KCNK12: variants seen among roughly 807,000 people sequenced by gnomAD.
The protein encoded by KCNK12 is potassium channel subfamily K member 12.
Under a neutral mutation model 25.3 loss-of-function variants are expected in KCNK12, and 6 were observed. That is an observed-to-expected ratio of 0.24 (90% CI 0.13 to 0.47). The LOEUF (loss-of-function observed/expected upper bound fraction) is 0.47, where lower values mean the gene tolerates loss of function less well. Among genes scored for constraint, KCNK12 ranks in the 20% least tolerant of loss-of-function variants. KCNK12 has a pLI of 0.99. For synonymous variants in KCNK12, 331 were observed against 311.1 expected, an observed-to-expected ratio of 1.06 and a Z score of -0.67; for missense variants, 444 against 661.7, an observed-to-expected ratio of 0.67 and a Z score of 3.61.
At chr2:47,561,265 A>C (rs1669663895) in intron 1 of KCNK12, among the ~76,000 whole-genome samples, 1 of 152,326 alleles carries the variant, frequency 6.6e-6, no homozygotes, top group East Asian at 1.9e-4. Flanking sequence ...ACTGGATGTC[A>C]CTGGTCTAAC....
intron 1 of KCNK12, among the ~76,000 whole-genome samples, chr2:47,546,869 A>G (rs1160508702): frequency 6.6e-6 from 1 of 152,074 alleles, no homozygotes; most frequent in Non-Finnish European, 1.5e-5. Flanking sequence ...AGAGAGCTGT[A>G]ACTGATGAAG....
At chr2:47,564,928 A>G (rs1451601124) in intron 1 of KCNK12, 1 of 152,124 alleles carries the variant, frequency 6.6e-6, no homozygotes, top group Non-Finnish European at 1.5e-5. Context: ...AGCACGCTGA[A>G]AGGCTGGGGT....
rs907887984 is a variant in KCNK12, at chr2:47,528,742, T to C, written c.392-6934A>G. Among the ~76,000 whole-genome samples the C allele has an allele frequency of 1.3e-5, 2 of 152,232 alleles. No individual in the cohort carries two copies. The highest frequency in any genetic ancestry group is 4.8e-5 in the African/African-American group (2 of 41,458). ...TATTATGCCACTTTGACAAAAGCTG[T>C]GAAGCTCGTTCCCACAGCCTGTCTG... On this transcript the variant is annotated intron_variant, in intron 1 of 1. Coordinates refer to ENST00000327876, the MANE Select transcript of KCNK12 (RefSeq NM_022055.2). This position sits in a 1 kb window ranked among gnomAD's most constrained non-coding sequence, Gnocchi z 4.5.
intron 1 of KCNK12, among the ~76,000 whole-genome samples, chr2:47,542,761 T>C (rs983769884): frequency 2.0e-5 from 3 of 152,164 alleles, no homozygotes; most frequent in Non-Finnish European, 2.9e-5. Context: ...GCTTCTGCCT[T>C]TGAACGTGTG....
intron 1 of KCNK12, among the ~76,000 whole-genome samples, chr2:47,531,469 T>C (rs1668927470): frequency 6.6e-6 from 1 of 150,898 alleles, no homozygotes; most frequent in Middle Eastern, 3.2e-3. Flanking sequence ...CAAGACCCTG[T>C]TTAAAAAAAA....
chr2:47,524,034 C>A (rs1668717159), intron 1 of KCNK12, among the ~76,000 whole-genome samples: 1 of 152,156 alleles, frequency 6.6e-6, no homozygotes, highest in African/African-American at 2.4e-5. Context: ...TGCCCAGTTG[C>A]CCGAGTGTGG....
At chr2:47,567,491 A>C (rs957479257) in intron 1 of KCNK12, among the ~76,000 whole-genome samples, 12 of 152,212 alleles carry the variant, frequency 7.9e-5, no homozygotes, top group Non-Finnish European at 5.9e-5. Flanking sequence ...ATCCAAATGC[A>C]TTTTGCAAAG....
chr2:47,527,277 T>G (rs962801146), intron 1 of KCNK12, among the ~76,000 whole-genome samples: 2 of 152,226 alleles, frequency 1.3e-5, no homozygotes, highest in African/African-American at 4.8e-5. Flanking sequence ...CTCTGTCCTC[T>G]CTGGCCTCCT....
chr2:47,510,426 G>A lies in KCNK12; in HGVS notation c.*10481C>T, dbSNP rs927096894. The A allele has an allele frequency of 1.3e-5, 2 of 152,190 alleles. No individual in the cohort carries two copies. The highest frequency in any genetic ancestry group is 4.8e-5 in the African/African-American group (2 of 41,442). 9.4% of individuals were successfully genotyped at this position (152,190 alleles called of 1,614,324 possible). ...TCATAACTGATACAGGAGGGACCCT[G>A]TGATTGGCAGTTCCACTAGACTGCA... On this transcript the variant is annotated 3_prime_UTR_variant, in exon 2 of 2. Transcript: ENST00000327876.
intron 1 of KCNK12, among the ~76,000 whole-genome samples, chr2:47,530,261 C>T (rs1668888923): frequency 6.6e-6 from 1 of 152,200 alleles, no homozygotes; most frequent in Admixed American, 6.5e-5. Context: ...GGAACTGCGA[C>T]ATCGCCTCTC....
At position 47,524,149 on chromosome 2, in the gene KCNK12, C is replaced by A. The variant is rs1015617866; in HGVS notation, c.392-2341G>T. On this transcript the variant is annotated intron_variant, in intron 1 of 1. Transcript: ENST00000327876. Reference sequence around the variant, plus strand: ...CTAGATTTACAGAAAGTGAAAAAAACCAAAATAGCTGTGTAACCAAGAACT... The same window carrying A: ...CTAGATTTACAGAAAGTGAAAAAAAACAAAATAGCTGTGTAACCAAGAACT... Among the ~76,000 whole-genome samples, 6 of 152,198 alleles carry A rather than the reference C, an allele frequency of 3.9e-5. No homozygotes were observed. In the East Asian group the frequency reaches 5.8e-4, roughly 15 times the overall value.
Position 47,542,215 on chromosome 2 carries a change from C to A in KCNK12, c.392-20407G>T, listed in dbSNP as rs528912306. 4.6e-5 allele frequency among the ~76,000 whole-genome samples: 7 copies of A among 152,308 alleles called. No individual in the cohort carries two copies. The South Asian group carries it at 1.4e-3, about 32-fold the overall frequency. On this transcript the variant is annotated intron_variant, in intron 1 of 1. Coordinates refer to ENST00000327876, the MANE Select transcript of KCNK12 (RefSeq NM_022055.2). ...ACTTCTGTCGAGGCTCTCTCTGACG[C>A]AGCTCTCCTCACTCCACACCAGGCT...
rs978289570 is a variant in KCNK12 at position 47,512,707 on chromosome 2, T to A, written c.*8200A>T. ...TCTGCATTGCTGAGCAAACTACATTTCCCAGAACTCCTTGTTGGATTCCTT... is the reference window on the plus strand; with the variant it reads ...TCTGCATTGCTGAGCAAACTACATTACCCAGAACTCCTTGTTGGATTCCTT... On this transcript the variant is annotated 3_prime_UTR_variant, in exon 2 of 2. Coordinates refer to ENST00000327876, the MANE Select transcript of KCNK12 (RefSeq NM_022055.2). 1.2e-5 allele frequency: 4 copies of A among 326,340 alleles called. No individual in the cohort carries two copies. The highest frequency in any genetic ancestry group is 2.2e-5 in the Non-Finnish European group (4 of 178,264). The allele number at this position is 326,340 out of a possible 1,614,324, so 20.2% of individuals were successfully genotyped here. A position where few individuals can be genotyped will look rare whatever the true frequency, so the allele number is the denominator to read the frequency against.
At chr2:47,535,986 T>C (rs1669059638) in intron 1 of KCNK12, among the ~76,000 whole-genome samples, 1 of 152,144 alleles carries the variant, frequency 6.6e-6, no homozygotes, top group African/African-American at 2.4e-5. Context: ...CAATTTCAAA[T>C]CTACCTTCCT....
intron 1 of KCNK12, among the ~76,000 whole-genome samples, chr2:47,542,164 G>A (rs1669215346): frequency 6.6e-6 from 1 of 152,210 alleles, no homozygotes; most frequent in South Asian, 2.1e-4. Context: ...CAGGCCTGCT[G>A]GGCTCCTCCA....
In KCNK12 at chr2:47,509,785, G is replaced by C. The variant is rs1668356304; in HGVS notation, c.*11122C>G. ...TAATTTATAAACCAAGACAAGAAAG[G>C]GCTACTCCACCCCCTCCAATTTGTG... On this transcript the variant is annotated 3_prime_UTR_variant, in exon 2 of 2. Coordinates refer to ENST00000327876, the MANE Select transcript of KCNK12 (RefSeq NM_022055.2). Among the ~76,000 whole-genome samples, 1 of 152,060 alleles carries C rather than the reference G, an allele frequency of 6.6e-6. No individual in the cohort carries two copies. Among genetic ancestry groups the C allele is most frequent in the South Asian group, 2.1e-4 (1 of 4,828 alleles).
Position 47,514,808 on chromosome 2 carries a change from C to T in KCNK12, c.*6099G>A, listed in dbSNP as rs1216721465. Among the ~76,000 whole-genome samples, 1 of 152,048 alleles carries T rather than the reference C, an allele frequency of 6.6e-6. No homozygotes were observed. Among genetic ancestry groups the T allele is most frequent in the African/African-American group, 2.4e-5 (1 of 41,398 alleles). On this transcript the variant is annotated 3_prime_UTR_variant, in exon 2 of 2. Transcript: ENST00000327876. The surrounding 1 kb of genome is among the most constrained non-coding windows in gnomAD (Gnocchi z 5.0). ...TGTATTTTTAGTAAAGACAGGGTTT[C>T]GACATGTTGCCTAGGCTGGTCTCGA...
rs1317605930 is a variant in KCNK12, at chr2:47,516,076, A to G, written c.*4831T>C. Among the ~76,000 whole-genome samples the G allele has an allele frequency of 6.6e-6, 1 of 152,184 alleles. No individual in the cohort carries two copies. Among genetic ancestry groups the G allele is most frequent in the East Asian group, 1.9e-4 (1 of 5,190 alleles). On this transcript the variant is annotated 3_prime_UTR_variant, in exon 2 of 2. Coordinates refer to ENST00000327876, the MANE Select transcript of KCNK12 (RefSeq NM_022055.2). Reference sequence around the variant, plus strand: ...CCCACTTTAGAGATGAGGAAACAGGATCAGAGTGAGCTAAATGACTGCCAG... The same window carrying G: ...CCCACTTTAGAGATGAGGAAACAGGGTCAGAGTGAGCTAAATGACTGCCAG...
intron 1 of KCNK12, among the ~76,000 whole-genome samples, chr2:47,535,351 T>C (rs1396935128): frequency 1.3e-5 from 2 of 152,184 alleles, no homozygotes; most frequent in Admixed American, 6.5e-5. Context: ...GGTCTCTCTC[T>C]CTTTTCATCC....
Sources: gnomAD v4.1 joint callset for allele counts (sites outside exome capture counted in the v4.1 genomes callset) on GRCh38, gnomAD v4.1.1 for gene constraint, Gnocchi (gnomAD v3.1) non-coding constraint, MANE v1.5 for transcripts, NCBI Gene and HGNC (gene_info 2026-07-23, HGNC 2026-07-21) for gene names.